The following SLC30A1 variants were observed in gnomAD, a reference collection of about 807,000 sequenced individuals.
SLC30A1 encodes proton-coupled zinc antiporter SLC30A1.
Under a neutral mutation model 29.8 loss-of-function variants are expected in SLC30A1, and 7 were observed. That is an observed-to-expected ratio of 0.23 (90% confidence interval 0.13 to 0.44). The LOEUF (loss-of-function observed/expected upper bound fraction) is 0.44. Ranked by LOEUF, SLC30A1 falls within the 20% of genes least tolerant of loss-of-function variation. The probability of loss-of-function intolerance (pLI) is 1.00; values close to 1 mark genes in which losing one functional copy is unlikely to be tolerated. For missense variants in SLC30A1, 446 were observed against 647.9 expected (o/e 0.69, Z 3.38); for synonymous variants, 254 against 253.5 (o/e 1.00, Z -0.02).
chr1:211,577,596 C>T lies in SLC30A1; in HGVS notation c.622+395G>A, dbSNP rs1055389662. 6.6e-6 allele frequency among the ~76,000 whole-genome samples: 1 copy of T among 152,168 alleles called. No individual in the cohort carries two copies. The highest frequency in any genetic ancestry group is 1.9e-4 in the East Asian group (1 of 5,194). ...GATTCTCTCCGTTTCCCAAGAGGGC[C>T]AAGGAATTGAATTGGGAAGCATTTC... On this transcript the variant is annotated intron_variant, in intron 1 of 1. Transcript: ENST00000367001. The surrounding 1 kb of genome is among the most constrained non-coding windows in gnomAD (Gnocchi z 4.5).
chr1:211,577,099 G>A lies in SLC30A1; in HGVS notation c.623-810C>T, dbSNP rs568492562. 5.9e-5 allele frequency among the ~76,000 whole-genome samples: 9 copies of A among 152,196 alleles called. No individual in the cohort carries two copies. The East Asian group carries it at 1.7e-3, about 29-fold the overall frequency. On this transcript the variant is annotated intron_variant, in intron 1 of 1. Transcript: ENST00000367001. The surrounding 1 kb of genome is among the most constrained non-coding windows in gnomAD (Gnocchi z 4.5). Reference sequence around the variant, plus strand: ...TTCACTAACTTCATATTCTGCACTCGAAAAGGAAAATTATGTAGCATAATT... The same window carrying A: ...TTCACTAACTTCATATTCTGCACTCAAAAAGGAAAATTATGTAGCATAATT...
Position 211,578,654 on chromosome 1 carries a change from G to A in SLC30A1, c.-42C>T. On this transcript the variant is annotated 5_prime_UTR_variant, in exon 1 of 2. Transcript: ENST00000367001. ...CCCGCCGAGCCCGGCCCGGAGACTG[G>A]TGCAGCGGCGGCGTTGGCGGGACGC... is the stretch of plus-strand genomic sequence containing the variant. The A allele has an allele frequency of 4.8e-6, 7 of 1,449,286 alleles. No individual in the cohort carries two copies. The highest frequency in any genetic ancestry group is 6.3e-6 in the Non-Finnish European group (7 of 1,111,092). 89.8% of individuals were successfully genotyped at this position (1,449,286 alleles called of 1,614,324 possible). A position where few individuals can be genotyped will look rare whatever the true frequency, so the allele number is the denominator to read the frequency against.
At position 211,577,629 on chromosome 1, in the gene SLC30A1, G is replaced by T. The variant is rs1377501185; in HGVS notation, c.622+362C>A. Among the ~76,000 whole-genome samples, 1 of 152,250 alleles carries T rather than the reference G, an allele frequency of 6.6e-6. No individual in the cohort carries two copies. Among genetic ancestry groups the T allele is most frequent in the Non-Finnish European group, 1.5e-5 (1 of 68,042 alleles). On this transcript the variant is annotated intron_variant, in intron 1 of 1. Coordinates refer to ENST00000367001, the MANE Select transcript of SLC30A1 (RefSeq NM_021194.3). The surrounding 1 kb of genome is among the most constrained non-coding windows in gnomAD (Gnocchi z 4.5). The stretch of plus-strand genomic sequence containing the variant: ...TGAATTGGGAAGCATTTCTGACGCT[G>T]TTATAACCATAACCAGACAAGTCTC...
rs201384373 is a variant in SLC30A1 at position 211,575,617 on chromosome 1, G to A, written c.1295C>T (p.Pro432Leu). 1.7e-5 allele frequency: 28 copies of A among 1,613,960 alleles called. No individual in the cohort carries two copies. The Admixed American group carries it at 2.8e-4, about 16-fold the overall frequency. Residue 432 changes from proline (P) to leucine (L), a missense_variant, in exon 2 of 2, where the codon CCG becomes CTG. Physicochemically the swap from Pro to Leu is moderately conservative, Grantham distance 98. This residue lies in a region of SLC30A1 where 187 missense variants were observed against 312.7 expected (regional missense o/e 0.60). Transcript: ENST00000367001. This position sits in a 1 kb window ranked among gnomAD's most constrained non-coding sequence, Gnocchi z 6.0. ...ASVGSKSSVV[P>L]CELACRTQCA... ...CTGGGTTCTGCAGGCAAGTTCACAC[G>A]GAACTACACTTGATTTAGAGCCTAC...
chr1:211,578,995 G>A lies in SLC30A1; in HGVS notation c.-383C>T, dbSNP rs1571603187. Among the ~76,000 whole-genome samples the A allele has an allele frequency of 6.6e-6, 1 of 152,292 alleles. No homozygotes were observed. The highest frequency in any genetic ancestry group is 1.9e-4 in the East Asian group (1 of 5,170). ...GAGCAGGAGGGCGGCGGGCGAGGGC[G>A]GCAGGAGAGGGCGACGGGCAGCTTC... On this transcript the variant is annotated 5_prime_UTR_variant, in exon 1 of 2. Transcript: ENST00000367001.
Position 211,577,946 on chromosome 1 carries a change from G to A in SLC30A1, c.622+45C>T. The stretch of plus-strand genomic sequence containing the variant: ...CGCCGAAGGCCAGGCGAGGCTCTGG[G>A]CACCCCAAACCCAACCACCTGCGGC... On this transcript the variant is annotated intron_variant, in intron 1 of 1. Coordinates refer to ENST00000367001, the MANE Select transcript of SLC30A1 (RefSeq NM_021194.3). The surrounding 1 kb of genome is among the most constrained non-coding windows in gnomAD (Gnocchi z 4.5). The A allele has an allele frequency of 6.2e-7, 1 of 1,607,620 alleles. No individual in the cohort carries two copies. The highest frequency in any genetic ancestry group is 1.1e-5 in the South Asian group (1 of 90,704).
Position 211,577,844 on chromosome 1 carries a change from G to A in SLC30A1, c.622+147C>T. On this transcript the variant is annotated intron_variant, in intron 1 of 1. Coordinates refer to ENST00000367001, the MANE Select transcript of SLC30A1 (RefSeq NM_021194.3). The surrounding 1 kb of genome is among the most constrained non-coding windows in gnomAD (Gnocchi z 4.5). ...ATTTCCTGGAGCAGCAGCGGGGCGT[G>A]TGCAGGACGGGGAGGGAGCAGGCAG... 1 of 1,073,102 alleles carries A rather than the reference G, an allele frequency of 9.3e-7. No homozygotes were observed. The highest frequency in any genetic ancestry group is 1.3e-6 in the Non-Finnish European group (1 of 770,876). 66.5% of individuals were successfully genotyped at this position (1,073,102 alleles called of 1,614,324 possible).
chr1:211,576,459 G>T (rs1229970945), intron 1 of SLC30A1, among the ~76,000 whole-genome samples, 170 bp from the exon 2 acceptor site: 1 of 152,146 alleles, frequency 6.6e-6, no homozygotes, highest in African/African-American at 2.4e-5. Context: ...AATGAGCCAG[G>T]ACATAATAGC....
At position 211,576,029 on chromosome 1, in the gene SLC30A1, C is replaced by A; in HGVS notation, c.883G>T (p.Val295Leu). The change falls in exon 2 of 2, where the codon GTA becomes TTA. Residue 295 changes from valine to leucine, a missense_variant. Physicochemically the swap from Val to Leu is conservative, Grantham distance 32. Around this residue, in one of 5 missense-constraint regions of SLC30A1, gnomAD observed 187 missense variants for 312.7 expected, o/e 0.60. Transcript: ENST00000367001. ...GCATGAGTACTATTAATTATTTCTACAAATGCTTTGCAGGGGTCAGGGAAA... is the reference window on the plus strand; with the variant it reads ...GCATGAGTACTATTAATTATTTCTAAAAATGCTTTGCAGGGGTCAGGGAAA... ...PCFPDPCKAF[V>L]EIINSTHASV... 1 of 1,613,290 alleles carries A rather than the reference C, an allele frequency of 6.2e-7. No individual in the cohort carries two copies. Among genetic ancestry groups the A allele is most frequent in the Non-Finnish European group, 8.5e-7 (1 of 1,179,732 alleles).
chr1:211,577,952 C>T lies in SLC30A1; in HGVS notation c.622+39G>A. The T allele has an allele frequency of 6.2e-7, 1 of 1,609,976 alleles. No individual in the cohort carries two copies. The highest frequency in any genetic ancestry group is 8.5e-7 in the Non-Finnish European group (1 of 1,179,022). The stretch of plus-strand genomic sequence containing the variant: ...AGGCCAGGCGAGGCTCTGGGCACCC[C>T]AAACCCAACCACCTGCGGCAGCGAC... On this transcript the variant is annotated intron_variant, in intron 1 of 1. Transcript: ENST00000367001. This position sits in a 1 kb window ranked among gnomAD's most constrained non-coding sequence, Gnocchi z 4.5.
At position 211,576,232 on chromosome 1, in the gene SLC30A1, A is replaced by C; in HGVS notation, c.680T>G (p.Val227Gly). 1 of 1,612,266 alleles carries C rather than the reference A, an allele frequency of 6.2e-7. No homozygotes were observed. The highest frequency in any genetic ancestry group is 8.5e-7 in the Non-Finnish European group (1 of 1,179,610). Residue 227 changes from valine (V) to glycine (G), a missense_variant, in exon 2 of 2, where the codon GTC becomes GGC. Transcript: ENST00000367001. ...CAGTTCCATATGGTCAGGTTCTCTG[A>C]CAAGATTTCCATTCACTTGTACTTC... ...TVEVQVNGNLVREPDHMELEE... is the reference protein window; with the variant it reads ...TVEVQVNGNLGREPDHMELEE...
chr1:211,573,540 G>A lies in SLC30A1; in HGVS notation c.*1848C>T, dbSNP rs1306159912. On this transcript the variant is annotated 3_prime_UTR_variant, in exon 2 of 2. Transcript: ENST00000367001. Reference sequence around the variant, plus strand: ...TAACAAATTGATATCTGAATAAAATGTTCTGTAAAGTATTAAATCAGGAAT... The same window carrying A: ...TAACAAATTGATATCTGAATAAAATATTCTGTAAAGTATTAAATCAGGAAT... 6.6e-6 allele frequency: 1 copy of A among 151,920 alleles called. No individual in the cohort carries two copies. Among genetic ancestry groups the A allele is most frequent in the African/African-American group, 2.4e-5 (1 of 41,396 alleles). 9.4% of individuals were successfully genotyped at this position (151,920 alleles called of 1,614,324 possible).
At position 211,578,061 on chromosome 1, in the gene SLC30A1, G is replaced by A. The variant is rs201826175; in HGVS notation, c.552C>T (p.Pro184=). 3 of 1,613,038 alleles carry A rather than the reference G, an allele frequency of 1.9e-6. No individual in the cohort carries two copies. In the East Asian group the frequency reaches 6.7e-5, roughly 36 times the overall value. ...CCAGGGTGTTGGTCTCCTCCTGGTC[G>A]GGACCCTGCTCGCCCGGGGCCACGT... ...DINVAPGEQG[P]DQEETNTLVA... Residue 184 remains proline (P), a synonymous_variant, in exon 1 of 2, where the codon CCC becomes CCT. Transcript: ENST00000367001.
At position 211,577,853 on chromosome 1, in the gene SLC30A1, G is replaced by A. The variant is rs1706739617; in HGVS notation, c.622+138C>T. The A allele has an allele frequency of 8.6e-6, 10 of 1,163,676 alleles. No individual in the cohort carries two copies. The highest frequency in any genetic ancestry group is 1.6e-5 in the African/African-American group (1 of 63,830). The allele number at this position is 1,163,676 out of a possible 1,614,324, so 72.1% of individuals were successfully genotyped here. ...AGCAGCAGCGGGGCGTGTGCAGGAC[G>A]GGGAGGGAGCAGGCAGGGGCGGCGC... On this transcript the variant is annotated intron_variant, in intron 1 of 1. Coordinates refer to ENST00000367001, the MANE Select transcript of SLC30A1 (RefSeq NM_021194.3). The surrounding 1 kb of genome is among the most constrained non-coding windows in gnomAD (Gnocchi z 4.5).
Position 211,578,530 on chromosome 1 carries a change from A to C in SLC30A1, c.83T>G (p.Val28Gly). The C allele has an allele frequency of 6.2e-7, 1 of 1,611,288 alleles. No individual in the cohort carries two copies. Among genetic ancestry groups the C allele is most frequent in the Non-Finnish European group, 8.5e-7 (1 of 1,179,206 alleles). Residue 28 changes from valine to glycine, a missense_variant, in exon 1 of 2, where the codon GTG becomes GGG. Transcript: ENST00000367001. ...TFMFMVLEVV[V>G]SRVTSSLAML... Reference sequence around the variant, plus strand: ...CGCCAGCGACGAGGTCACCCGGCTCACCACCACCTCCAGCACCATGAACAT... The same window carrying C: ...CGCCAGCGACGAGGTCACCCGGCTCCCCACCACCTCCAGCACCATGAACAT...
Position 211,575,442 on chromosome 1 carries a change from A to G in SLC30A1, c.1470T>C (p.Ala490=), listed in dbSNP as rs1706706784. ...GCATGTTTTTAATCTCTATCACAAC[A>G]GCAGGGATGTTTTCAGCTTTAGTCC... is the stretch of plus-strand genomic sequence containing the variant. ...PRRTKAENIP[A]VVIEIKNMPN... is the part of the protein sequence containing the mutation. The change falls in exon 2 of 2, where the codon GCT becomes GCC. Residue 490 remains alanine (A), a synonymous_variant. Transcript: ENST00000367001. This position sits in a 1 kb window ranked among gnomAD's most constrained non-coding sequence, Gnocchi z 6.0. 6.2e-7 allele frequency: 1 copy of G among 1,613,462 alleles called. No homozygotes were observed. Among genetic ancestry groups the G allele is most frequent in the East Asian group, 2.2e-5 (1 of 44,890 alleles).
rs1369608804 is a variant in SLC30A1, at chr1:211,572,507, C to T, written c.*2881G>A. ...AAAACTGTCAAAAATTCAAAATTAA[C>T]TTAAGGATGTTAATAAGACACAAAC... On this transcript the variant is annotated 3_prime_UTR_variant, in exon 2 of 2. Coordinates refer to ENST00000367001, the MANE Select transcript of SLC30A1 (RefSeq NM_021194.3). 1.3e-5 allele frequency: 2 copies of T among 152,038 alleles called. No individual in the cohort carries two copies. The highest frequency in any genetic ancestry group is 4.8e-5 in the African/African-American group (2 of 41,420). 9.4% of individuals were successfully genotyped at this position (152,038 alleles called of 1,614,324 possible). A position where few individuals can be genotyped will look rare whatever the true frequency, so the allele number is the denominator to read the frequency against.
chr1:211,575,835 T>C lies in SLC30A1; in HGVS notation c.1077A>G (p.Glu359=). The change falls in exon 2 of 2, where the codon GAA becomes GAG. Residue 359 remains glutamate, a synonymous_variant. Coordinates refer to ENST00000367001, the MANE Select transcript of SLC30A1 (RefSeq NM_021194.3). This position sits in a 1 kb window ranked among gnomAD's most constrained non-coding sequence, Gnocchi z 6.0. ...KQIDIRNLIK[E]LRNVEGVEEV... is the part of the protein sequence containing the mutation. ...CCTCAACTCCTTCAACATTTCGAAGTTCTTTTATCAAATTTCTGATATCAA... is the reference window on the plus strand; with the variant it reads ...CCTCAACTCCTTCAACATTTCGAAGCTCTTTTATCAAATTTCTGATATCAA... 1 of 1,613,946 alleles carries C rather than the reference T, an allele frequency of 6.2e-7. No individual in the cohort carries two copies. Among genetic ancestry groups the C allele is most frequent in the Non-Finnish European group, 8.5e-7 (1 of 1,179,932 alleles).
chr1:211,573,386 T>C lies in SLC30A1; in HGVS notation c.*2002A>G, dbSNP rs761911635. 9 of 152,082 alleles carry C rather than the reference T, an allele frequency of 5.9e-5. No homozygotes were observed. The highest frequency in any genetic ancestry group is 8.8e-5 in the Non-Finnish European group (6 of 67,906). 9.4% of individuals were successfully genotyped at this position (152,082 alleles called of 1,614,324 possible). On this transcript the variant is annotated 3_prime_UTR_variant, in exon 2 of 2. Transcript: ENST00000367001. ...CCATTTTTTAAAATCCTCATTCAGTTGATGTCTTGTACTTAGGTGTCATGC... is the reference window on the plus strand; with the variant it reads ...CCATTTTTTAAAATCCTCATTCAGTCGATGTCTTGTACTTAGGTGTCATGC...
Sources: allele counts gnomAD v4.1 joint callset (sites outside exome capture counted in the v4.1 genomes callset), GRCh38; gene constraint gnomAD v4.1.1; regional missense constraint gnomAD v4.1.1; non-coding constraint Gnocchi (gnomAD v3.1); transcripts MANE v1.5; gene names NCBI Gene and HGNC (gene_info 2026-07-23, HGNC 2026-07-21).